Variants in KLF17 observed in about 807,000 individuals in gnomAD.
KLF17 encodes KLF transcription factor 17, also known as Krueppel-like factor 17.
In KLF17, 31 loss-of-function variants were observed where a neutral mutation model predicts 34.2. The observed-to-expected ratio is 0.91, with a 90% CI of 0.68 to 1.22. KLF17 has a LOEUF of 1.22. KLF17 is among the 50% of genes most tolerant of loss of function. KLF17 has a pLI of 0.00. For synonymous variants in KLF17, 179 were observed against 186.7 expected (o/e 0.96, Z 0.34); for missense variants, 478 against 505.2 (o/e 0.95, Z 0.52).
At chr1:44,048,270 A>G in the KLF17 span, 3 of 152,256 alleles carry the variant, frequency 2.0e-5, no homozygotes, top group Non-Finnish European at 2.9e-5. Flanking sequence ...TAACTCTCCC[A>G]ACAGAACTGG....
chr1:44,055,955 C>T, the KLF17 span, among the ~76,000 whole-genome samples: 2 of 152,150 alleles, frequency 1.3e-5, no homozygotes, highest in African/African-American at 2.4e-5. Flanking sequence ...GAATATTTAC[C>T]CATGTCTCTG....
chr1:44,064,360 C>A, the KLF17 span, among the ~76,000 whole-genome samples: 1 of 152,168 alleles, frequency 6.6e-6, no homozygotes, highest in South Asian at 2.1e-4. Flanking sequence ...CAATTATCTT[C>A]AACATTTGTC....
At chr1:44,065,016 T>C in the KLF17 span, among the ~76,000 whole-genome samples, 1 of 152,194 alleles carries the variant, frequency 6.6e-6, no homozygotes, top group African/African-American at 2.4e-5. Context: ...AGGCTGGGCG[T>C]GGTGGCTCAC....
the KLF17 span, among the ~76,000 whole-genome samples, chr1:44,074,342 C>T: frequency 6.6e-6 from 1 of 152,148 alleles, no homozygotes; most frequent in Non-Finnish European, 1.5e-5. Flanking sequence ...ATCCCCTCTC[C>T]TCATCCTCAT....
At chr1:44,118,775 GC>G, upstream of KLF17, 2 of 680,356 alleles carry the variant, frequency 2.9e-6, no homozygotes, top group Non-Finnish European at 4.7e-6. Flanking sequence ...GCCTGACCCC[GC>G]CCCTTGGCGC....
At chr1:44,084,741 C>CAATG in the KLF17 span, among the ~76,000 whole-genome samples, 2 of 149,156 alleles carry the variant, frequency 1.3e-5, no homozygotes, top group Non-Finnish European at 3.0e-5. Context: ...CATTGCTGAG[C>CAATG]AATGAGCACA....
the KLF17 span, among the ~76,000 whole-genome samples, chr1:44,101,792 C>T: frequency 0.025 from 3,710 of 151,254 alleles, 60 homozygotes; most frequent in South Asian, 0.039. Context: ...TTTGGGAGGC[C>T]GAGGCAGACA....
the KLF17 span, among the ~76,000 whole-genome samples, chr1:44,088,933 G>A: frequency 6.6e-6 from 1 of 152,162 alleles, no homozygotes; most frequent in East Asian, 1.9e-4. Flanking sequence ...ATGGGGATGA[G>A]TGGCTGACTT....
the KLF17 span, among the ~76,000 whole-genome samples, chr1:44,087,029 C>A: frequency 6.6e-5 from 10 of 152,200 alleles, no homozygotes; most frequent in East Asian, 1.9e-4. Flanking sequence ...TCGGCAGCAT[C>A]GATGTAGATA....
chr1:44,078,594 C>A, the KLF17 span, among the ~76,000 whole-genome samples: 1 of 152,076 alleles, frequency 6.6e-6, no homozygotes, highest in Admixed American at 6.6e-5. Flanking sequence ...CGTGCCAGTA[C>A]GCCCGGCTAA....
At chr1:44,080,059 G>A in the KLF17 span, among the ~76,000 whole-genome samples, 1 of 151,762 alleles carries the variant, frequency 6.6e-6, no homozygotes, top group Admixed American at 6.6e-5. Context: ...CTCCTGAGTA[G>A]ATGGGATTAC....
At chr1:44,068,789 T>C in the KLF17 span, among the ~76,000 whole-genome samples, 29 of 152,238 alleles carry the variant, frequency 1.9e-4, no homozygotes, top group African/African-American at 7.0e-4. Flanking sequence ...GTTTAGACAC[T>C]CAACACACTT....
the KLF17 span, among the ~76,000 whole-genome samples, chr1:44,097,037 T>C: frequency 6.6e-6 from 1 of 152,242 alleles, no homozygotes; most frequent in Non-Finnish European, 1.5e-5. Flanking sequence ...GTTTCAGTTT[T>C]CTGCATATGG....
chr1:44,071,916 C>A, the KLF17 span, among the ~76,000 whole-genome samples: 1 of 152,050 alleles, frequency 6.6e-6, no homozygotes, highest in East Asian at 1.9e-4. Flanking sequence ...TCCCCTCCAC[C>A]CCCATCACAC....
the KLF17 span, among the ~76,000 whole-genome samples, chr1:44,093,885 C>T: frequency 2.0e-5 from 3 of 152,144 alleles, no homozygotes; most frequent in Non-Finnish European, 4.4e-5. Flanking sequence ...TATCTCTTTA[C>T]CAAGTTAGTG....
At chr1:44,089,893 G>A in the KLF17 span, among the ~76,000 whole-genome samples, 1 of 152,088 alleles carries the variant, frequency 6.6e-6, no homozygotes, top group Non-Finnish European at 1.5e-5. Context: ...TGGGTGCGGT[G>A]ACTCATGCCT....
At chr1:44,108,997 ATTTGTGAGATCAAGTCACTTAAACTCT>A in the KLF17 span, among the ~76,000 whole-genome samples, 1 of 152,214 alleles carries the variant, frequency 6.6e-6, no homozygotes, top group Non-Finnish European at 1.5e-5. Context: ...CAGATTGTTT[ATTTGTGAGATCAAGTCACTTAAACTCT>A]TTTGTGCCCA....
chr1:44,119,706 G>T lies in KLF17; in HGVS notation c.81+718G>T, dbSNP rs1443282294. Among the ~76,000 whole-genome samples the T allele has an allele frequency of 3.3e-5, 5 of 152,290 alleles. No homozygotes were observed. In the East Asian group the frequency reaches 9.7e-4, roughly 29 times the overall value. On this transcript the variant is annotated intron_variant, in intron 1 of 3. Coordinates refer to ENST00000372299, the MANE Select transcript of KLF17 (RefSeq NM_173484.4). ...GTTCCCAGGTCTGAGACCACAGGCT[G>T]CATGCTTCCTCTTAGGAGGAACTGA...
the KLF17 span, among the ~76,000 whole-genome samples, chr1:44,105,936 G>A: frequency 6.6e-6 from 1 of 152,136 alleles, no homozygotes; most frequent in Non-Finnish European, 1.5e-5. Flanking sequence ...GGCTGGGGTG[G>A]GAGGATTGCT....
Sources: gnomAD v4.1 joint callset for allele counts (sites outside exome capture counted in the v4.1 genomes callset) on GRCh38, gnomAD v4.1.1 for gene constraint, MANE v1.5 for transcripts, NCBI Gene and HGNC (gene_info 2026-07-23, HGNC 2026-07-21) for gene names.